The following SNRPN variants were observed in gnomAD, a reference collection of about 807,000 sequenced individuals.
SNRPN encodes small nuclear ribonucleoprotein-associated protein N.
A neutral mutation model predicts 25.2 loss-of-function variants in SNRPN; 7 were observed. That is an observed-to-expected ratio of 0.28 (90% CI 0.16 to 0.52). The LOEUF is 0.52. Ranked by LOEUF, SNRPN falls within the 20% of genes least tolerant of loss-of-function variation. The probability of loss-of-function intolerance (pLI) is 0.96; values close to 1 mark genes in which losing one functional copy is unlikely to be tolerated. For missense variants in SNRPN, 196 were observed against 322.5 expected, an observed-to-expected ratio of 0.61 and a Z score of 3.00; for synonymous variants, 124 against 110.6, an observed-to-expected ratio of 1.12 and a Z score of -0.76.
rs1370638362 is a variant in SNRPN, at chr15:24,824,066, T to A, written c.-687+216T>A. On this transcript the variant is annotated intron_variant, in intron 1 of 12. Transcript: ENST00000400100. ...GTAATTAAATGAAAATAGCACTTTA[T>A]TAAGAAAGACAAATGTTACATATTC... is the stretch of plus-strand genomic sequence containing the variant. Among the ~76,000 whole-genome samples, 3 of 152,248 alleles carry A rather than the reference T, an allele frequency of 2.0e-5. No individual in the cohort carries two copies. In the East Asian group the frequency reaches 5.8e-4, roughly 29 times the overall value.
intron 2 of SNRPN, 124 bp from the exon 3 acceptor site, chr15:24,967,808 G>GA (rs35146696): frequency 0.083 from 40,155 of 482,258 alleles, 267 homozygotes; most frequent in South Asian, 0.1. Flanking sequence ...ACCCTGTCTG[G>GA]AAAAAAAAAA....
chr15:24,834,749 C>CTATATA (rs1416978769), intron 2 of SNRPN, among the ~76,000 whole-genome samples: 4 of 63,064 alleles, frequency 6.3e-5, no homozygotes, highest in East Asian at 3.3e-4. Flanking sequence ...CTCTCTCTCT[C>CTATATA]TCTATATATA....
chr15:24,956,042 G>GC (rs1450483777), intron 1 of SNRPN, among the ~76,000 whole-genome samples: 1 of 151,990 alleles, frequency 6.6e-6, no homozygotes, highest in African/African-American at 2.4e-5. Context: ...TTAAAACTGC[G>GC]CAATGCCTAC....
chr15:24,959,325 A>C (rs529862051), intron 1 of SNRPN, among the ~76,000 whole-genome samples: 1 of 152,280 alleles, frequency 6.6e-6, no homozygotes, highest in African/African-American at 2.4e-5. Flanking sequence ...TTATATGTAG[A>C]TTAAAAATAA....
At chr15:24,878,690 G>A (rs914613034) in intron 1 of SNRPN, among the ~76,000 whole-genome samples, 2 of 151,946 alleles carry the variant, frequency 1.3e-5, no homozygotes, top group Admixed American at 1.3e-4. Flanking sequence ...CCCTCCTCTT[G>A]TTACATAAAC....
At chr15:24,937,239 A>AAAACAAAC (rs199652626) in intron 3 of SNRPN, among the ~76,000 whole-genome samples, 2 of 152,148 alleles carry the variant, frequency 1.3e-5, no homozygotes, top group African/African-American at 4.8e-5. Flanking sequence ...GACTCCGTCT[A>AAAACAAAC]AAACAAACAA....
intron 2 of SNRPN, among the ~76,000 whole-genome samples, chr15:24,840,391 G>A (rs1479666889): frequency 6.6e-6 from 1 of 152,134 alleles, no homozygotes; most frequent in Non-Finnish European, 1.5e-5. Flanking sequence ...AGGGATATTT[G>A]GTGGCTGCCT....
At chr15:24,969,668 C>T (rs761879336) in intron 3 of SNRPN, among the ~76,000 whole-genome samples, 1 of 152,056 alleles carries the variant, frequency 6.6e-6, no homozygotes, top group Non-Finnish European at 1.5e-5. Flanking sequence ...TTTTTAAATA[C>T]AACATTTAAG....
chr15:24,934,993 C>T (rs1318035928), intron 3 of SNRPN, among the ~76,000 whole-genome samples: 1 of 151,946 alleles, frequency 6.6e-6, no homozygotes, highest in Non-Finnish European at 1.5e-5. Flanking sequence ...ATTTTTGTGC[C>T]GGGTTCAGTG....
intron 3 of SNRPN, among the ~76,000 whole-genome samples, chr15:24,948,473 A>T (rs1044814006): frequency 2.0e-4 from 31 of 152,178 alleles, no homozygotes; most frequent in African/African-American, 7.5e-4. Context: ...TGTGTCTCAT[A>T]TGTTTCCCCT....
chr15:24,975,610 G>A (rs1047503782), intron 5 of SNRPN, 101 bp downstream of exon 5: 29 of 936,214 alleles, frequency 3.1e-5, no homozygotes, highest in Non-Finnish European at 4.8e-5. Context: ...AAGTAGTTAG[G>A]GAAACTATGG....
rs117344595 is a variant in SNRPN at position 24,918,846 on chromosome 15, C to T, written c.-504-1165C>T. ...TGCGCATATATATAATATATATATG[C>T]GCACATATATATAACAATATATATA... is the stretch of plus-strand genomic sequence containing the variant. On this transcript the variant is annotated intron_variant, in intron 2 of 11. Coordinates refer to the SNRPN transcript ENST00000400097. Among the ~76,000 whole-genome samples the T allele has an allele frequency of 1.1e-4, 8 of 72,972 alleles. 2 individuals are homozygous for T. The highest frequency in any genetic ancestry group is 3.3e-4 in the African/African-American group (5 of 14,982). The allele number at this position is 72,972 out of a possible 152,430, so 47.9% of individuals were successfully genotyped here.
At chr15:24,931,191 A>G (rs1326138474) in intron 3 of SNRPN, among the ~76,000 whole-genome samples, 3 of 152,078 alleles carry the variant, frequency 2.0e-5, no homozygotes, top group Non-Finnish European at 4.4e-5. Context: ...TCTGGTTTTT[A>G]TTTTTGCCTG....
At chr15:24,973,148 C>G (rs918529834) in intron 3 of SNRPN, among the ~76,000 whole-genome samples, 4 of 152,020 alleles carry the variant, frequency 2.6e-5, no homozygotes, top group African/African-American at 9.7e-5. Flanking sequence ...CTCGGTTTCC[C>G]AAAGTGTTGG....
At chr15:24,946,420 A>C (rs561637622) in intron 3 of SNRPN, among the ~76,000 whole-genome samples, 1 of 152,236 alleles carries the variant, frequency 6.6e-6, no homozygotes, top group African/African-American at 2.4e-5. Flanking sequence ...AAAAAATAAA[A>C]AGAAAAGATG....
At chr15:24,851,215 T>G (rs2145709026) in intron 2 of SNRPN, 1 of 152,352 alleles carries the variant, frequency 6.6e-6, no homozygotes, top group South Asian at 2.1e-4. Flanking sequence ...TTTTGCCCAG[T>G]GCATGTTTGG....
intron 1 of SNRPN, among the ~76,000 whole-genome samples, chr15:24,955,529 AT>A (rs2062696962): frequency 6.9e-6 from 1 of 144,652 alleles, no homozygotes; most frequent in South Asian, 2.3e-4. Flanking sequence ...AGTGATCGGT[AT>A]TTAGGGGGTG....
Position 24,832,031 on chromosome 15 carries a change from G to A in SNRPN, c.-579+2126G>A, listed in dbSNP as rs141252193. Among the ~76,000 whole-genome samples, 1,107 of 151,286 alleles carry A rather than the reference G, an allele frequency of 7.3e-3. 20 individuals carry two copies. Among genetic ancestry groups the A allele is most frequent in the African/African-American group, 0.026 (1,055 of 41,152 alleles). The stretch of plus-strand genomic sequence containing the variant: ...TATATACCCAGTAATAAGACTGCTC[G>A]ATCAAAGGGTAATTCTATTGTTTTT... On this transcript the variant is annotated intron_variant, in intron 2 of 12. Coordinates refer to the SNRPN transcript ENST00000400100.
At chr15:24,879,822 C>T (rs1227575550) in intron 1 of SNRPN, among the ~76,000 whole-genome samples, 1 of 152,150 alleles carries the variant, frequency 6.6e-6, no homozygotes, top group Admixed American at 6.6e-5. Context: ...ACAGAATGAC[C>T]CATAAAACCA....
Sources: gnomAD v4.1 joint callset for allele counts (sites outside exome capture counted in the v4.1 genomes callset) on GRCh38, gnomAD v4.1.1 for gene constraint, MANE v1.5 for transcripts, NCBI Gene and HGNC (gene_info 2026-07-23, HGNC 2026-07-21) for gene names.